The following DDAH1 variants were observed in gnomAD, a reference collection of about 807,000 sequenced individuals.
DDAH1 encodes the protein N(G),N(G)-dimethylarginine dimethylaminohydrolase 1.
A neutral mutation model predicts 28.8 loss-of-function variants in DDAH1; 19 were observed. The ratio of observed to expected loss-of-function variants is 0.66; its 90% CI spans 0.46 to 0.97. DDAH1 has a LOEUF of 0.97. DDAH1 is among the 50% of genes least tolerant of loss of function. The pLI, the probability that DDAH1 is intolerant of heterozygous loss-of-function variation, is 0.00. For synonymous variants in DDAH1, 153 were observed against 154.4 expected (o/e 0.99, Z 0.07); for missense variants, 326 against 375.9 (o/e 0.87, Z 1.10).
At chr1:85,434,226 T>C (rs1653830630) in intron 1 of DDAH1, among the ~76,000 whole-genome samples, 1 of 152,198 alleles carries the variant, frequency 6.6e-6, no homozygotes, top group Admixed American at 6.5e-5. Context: ...TCTTGAATTT[T>C]GATGTGTCAC....
At chr1:85,407,415 T>TA (rs1652456471) in intron 1 of DDAH1, among the ~76,000 whole-genome samples, 1 of 152,184 alleles carries the variant, frequency 6.6e-6, no homozygotes, top group East Asian at 1.9e-4. Context: ...GACACTATGG[T>TA]AAAATGTACC....
At chr1:85,417,475 C>G (rs1453046712) in intron 1 of DDAH1, among the ~76,000 whole-genome samples, 1 of 152,170 alleles carries the variant, frequency 6.6e-6, no homozygotes, top group Admixed American at 6.5e-5. Flanking sequence ...CAGGTCCCTT[C>G]CTGAGGGCAG....
At chr1:85,475,569 C>T (rs906143028) in intron 2 of DDAH1, among the ~76,000 whole-genome samples, 1 of 152,126 alleles carries the variant, frequency 6.6e-6, no homozygotes, top group Non-Finnish European at 1.5e-5. Flanking sequence ...ATTCAGGTTA[C>T]TTAATTCAAT....
intron 1 of DDAH1, among the ~76,000 whole-genome samples, chr1:85,392,959 A>G (rs1210747266): frequency 6.6e-6 from 1 of 152,162 alleles, no homozygotes; most frequent in Non-Finnish European, 1.5e-5. Flanking sequence ...ATGTAAGAAT[A>G]AAAGTCCTGC....
intron 1 of DDAH1, among the ~76,000 whole-genome samples, chr1:85,536,969 A>G (rs866981548): frequency 2.8e-5 from 2 of 71,948 alleles, no homozygotes; most frequent in African/African-American, 4.7e-5. Context: ...ATATATATAT[A>G]TATATATATA....
intron 2 of DDAH1, among the ~76,000 whole-genome samples, chr1:85,487,846 C>G (rs1378175547): frequency 6.6e-6 from 1 of 152,050 alleles, no homozygotes; most frequent in Admixed American, 6.5e-5. Context: ...TACACATTGG[C>G]ACTTTGCAGT....
At chr1:85,496,681 A>G (rs1656606282) in intron 1 of DDAH1, among the ~76,000 whole-genome samples, 1 of 152,232 alleles carries the variant, frequency 6.6e-6, no homozygotes, top group South Asian at 2.1e-4. Flanking sequence ...CAGACTCACA[A>G]TGATGTACAG....
exon 1 of DDAH1, chr1:85,578,092 T>C: frequency 1.2e-6 from 1 of 827,490 alleles, no homozygotes. Flanking sequence ...TGGACGGTCT[T>C]TGGGCAGGAC....
At chr1:85,322,479 G>T (rs1350463230) in intron 5 of DDAH1, among the ~76,000 whole-genome samples, 1 of 152,164 alleles carries the variant, frequency 6.6e-6, no homozygotes, top group Non-Finnish European at 1.5e-5. Flanking sequence ...AAAGTGTACT[G>T]CCTAATAACA....
chr1:85,369,638 C>T (rs1650272415), intron 1 of DDAH1, among the ~76,000 whole-genome samples: 1 of 152,172 alleles, frequency 6.6e-6, no homozygotes, highest in Non-Finnish European at 1.5e-5. Context: ...TCAGCATTTT[C>T]AATATACCTG....
chr1:85,572,313 A>G (rs1014916426), intron 1 of DDAH1, among the ~76,000 whole-genome samples: 2 of 152,166 alleles, frequency 1.3e-5, no homozygotes, highest in African/African-American at 4.8e-5. Flanking sequence ...AACAATATTT[A>G]AGTGACAGAT....
rs1557660940 is a variant in DDAH1, at chr1:85,464,475, C to T, written c.303+268G>A. The T allele has an allele frequency of 6.6e-7, 1 of 1,515,878 alleles. No homozygotes were observed. Among genetic ancestry groups the T allele is most frequent in the Non-Finnish European group, 8.8e-7 (1 of 1,133,846 alleles). 93.9% of individuals were successfully genotyped at this position (1,515,878 alleles called of 1,614,324 possible). A position where few individuals can be genotyped will look rare whatever the true frequency, so the allele number is the denominator to read the frequency against. The stretch of plus-strand genomic sequence containing the variant: ...TTCACAAATAAAAATGCCCGTGAGA[C>T]GGAATCCCCCGCCCACCCACCTGCC... On this transcript the variant is annotated intron_variant, in intron 1 of 5. Transcript: ENST00000284031. This position sits in a 1 kb window ranked among gnomAD's most constrained non-coding sequence, Gnocchi z 4.4.
intron 1 of DDAH1, among the ~76,000 whole-genome samples, chr1:85,378,451 C>G (rs1406669261): frequency 6.6e-6 from 1 of 152,136 alleles, no homozygotes; most frequent in Non-Finnish European, 1.5e-5. Context: ...CTTTGCCACC[C>G]AGGCTGGAGT....
chr1:85,542,197 A>T (rs1658491131), intron 1 of DDAH1, among the ~76,000 whole-genome samples: 1 of 152,198 alleles, frequency 6.6e-6, no homozygotes, highest in Non-Finnish European at 1.5e-5. Context: ...ACTGTCTATA[A>T]TACAACATGG....
chr1:85,345,544 G>A (rs1034639634), intron 4 of DDAH1, among the ~76,000 whole-genome samples: 1 of 152,142 alleles, frequency 6.6e-6, no homozygotes, highest in Admixed American at 6.5e-5. Context: ...CAGTAATAAT[G>A]TCTTCCTTTC....
At chr1:85,554,472 G>T (rs1035683787) in intron 1 of DDAH1, among the ~76,000 whole-genome samples, 1 of 151,978 alleles carries the variant, frequency 6.6e-6, no homozygotes, top group Non-Finnish European at 1.5e-5. Flanking sequence ...ATTTTTAAAT[G>T]ACTGGAAATT....
At chr1:85,324,710 C>G in intron 5 of DDAH1, 30 bp downstream of exon 5, 1 of 1,612,664 alleles carries the variant, frequency 6.2e-7, no homozygotes, top group African/African-American at 1.3e-5. Context: ...GCTGACCCAG[C>G]TGCAGTGGTC....
intron 1 of DDAH1, among the ~76,000 whole-genome samples, chr1:85,454,958 G>C (rs74925591): frequency 6.6e-6 from 1 of 152,136 alleles, no homozygotes; most frequent in Admixed American, 6.6e-5. Context: ...ATAACCTTTC[G>C]ACTAGGGCCC....
chr1:85,404,491 C>G, intron 1 of DDAH1: 1 of 1,510,578 alleles, frequency 6.6e-7, no homozygotes. Context: ...TACTGAAGAA[C>G]AGTCTGACCC....
Sources: allele counts gnomAD v4.1 joint callset (sites outside exome capture counted in the v4.1 genomes callset), GRCh38; gene constraint gnomAD v4.1.1; non-coding constraint Gnocchi (gnomAD v3.1); transcripts MANE v1.5; gene names NCBI Gene and HGNC (gene_info 2026-07-23, HGNC 2026-07-21).